The following NCK2 variants were observed in gnomAD, a reference collection of about 807,000 sequenced individuals.
NCK2 encodes the protein NCK adaptor protein 2, also known as cytoplasmic protein NCK2.
In NCK2, 16 loss-of-function variants were observed where a neutral mutation model predicts 33.9. The ratio of observed to expected loss-of-function variants is 0.47; its 90% CI spans 0.32 to 0.72. NCK2 has a LOEUF of 0.72. Ranked by LOEUF, NCK2 falls within the 30% of genes least tolerant of loss-of-function variation. NCK2 has a pLI of 0.03. For missense variants in NCK2, 418 were observed against 537.3 expected (o/e 0.78, Z 2.19); for synonymous variants, 273 against 239.9 (o/e 1.14, Z -1.27).
chr2:105,760,042 G>A (rs749251935), intron 1 of NCK2, among the ~76,000 whole-genome samples: 36 of 152,138 alleles, frequency 2.4e-4, no homozygotes, highest in Non-Finnish European at 3.5e-4. Flanking sequence ...CCACTGTCAA[G>A]TGACTCTTTT....
chr2:105,810,373 GGAGA>G (rs146147970), intron 1 of NCK2, among the ~76,000 whole-genome samples: 2,638 of 152,090 alleles, frequency 0.017, 38 homozygotes, highest in Non-Finnish European at 0.021. Context: ...GTAGAGGGAG[GGAGA>G]GAGAGAAAAA....
intron 1 of NCK2, among the ~76,000 whole-genome samples, chr2:105,751,224 G>A (rs13005191): frequency 7.2e-5 from 11 of 152,076 alleles, no homozygotes; most frequent in African/African-American, 2.4e-4. Context: ...CCCCATCACC[G>A]ACTCACTCGG....
chr2:105,781,201 A>T (rs1455861006), intron 1 of NCK2, among the ~76,000 whole-genome samples: 1 of 152,214 alleles, frequency 6.6e-6, no homozygotes, highest in Non-Finnish European at 1.5e-5. Flanking sequence ...CACCTTTAAA[A>T]TCTGATCTTT....
chr2:105,795,570 T>C (rs1194348485), intron 1 of NCK2, among the ~76,000 whole-genome samples: 1 of 152,256 alleles, frequency 6.6e-6, no homozygotes, highest in Non-Finnish European at 1.5e-5. Context: ...TTAGTTTACA[T>C]GTATGCTCCG....
At chr2:105,854,910 T>C (rs1677198918) in intron 2 of NCK2, 138 bp from the exon 3 acceptor site, 1 of 617,264 alleles carries the variant, frequency 1.6e-6, no homozygotes, top group Admixed American at 3.0e-5. Flanking sequence ...ATTTTAAAGT[T>C]GAGCATTTCA....
chr2:105,802,015 G>T (rs903097954), intron 1 of NCK2, among the ~76,000 whole-genome samples: 1 of 152,184 alleles, frequency 6.6e-6, no homozygotes, highest in Admixed American at 6.5e-5. Context: ...CTGGTTCAGT[G>T]CTCCTCCAGG....
chr2:105,801,469 G>GT (rs1182288598), intron 1 of NCK2, among the ~76,000 whole-genome samples: 1 of 150,658 alleles, frequency 6.6e-6, no homozygotes, highest in Non-Finnish European at 1.5e-5. Flanking sequence ...AGTGCACAAC[G>GT]TTAACAGATA....
chr2:105,792,223 A>G (rs1690910147), intron 1 of NCK2, among the ~76,000 whole-genome samples: 1 of 152,180 alleles, frequency 6.6e-6, no homozygotes, highest in Non-Finnish European at 1.5e-5. Context: ...TGGCCCTTTC[A>G]GCTATCACAT....
intron 3 of NCK2, among the ~76,000 whole-genome samples, chr2:105,870,937 TTGG>T (rs1677973407): frequency 6.6e-6 from 1 of 151,814 alleles, no homozygotes; most frequent in South Asian, 2.1e-4. Flanking sequence ...TCGTAGGATC[TTGG>T]TGGAAGGGAA....
chr2:105,881,881 C>T lies in NCK2; in HGVS notation c.780C>T (p.Ala260=), dbSNP rs759897836. The T allele has an allele frequency of 5.7e-6, 9 of 1,575,788 alleles. No homozygotes were observed. The highest frequency in any genetic ancestry group is 1.8e-5 in the Admixed American group (1 of 55,226). The part of the protein sequence containing the change: ...NYVVVLSDGP[A]LHPAHAPQIS... ...TGGTGGTCCTCAGTGACGGGCCTGC[C>T]CTGCACCCTGCGCACGCCCCACAGA... Residue 260 remains alanine, a synonymous_variant, in exon 4 of 5, where the codon GCC becomes GCT. Transcript: ENST00000233154.
At chr2:105,747,847 G>GA (rs1181601347) in intron 1 of NCK2, among the ~76,000 whole-genome samples, 1 of 152,344 alleles carries the variant, frequency 6.6e-6, no homozygotes, top group African/African-American at 2.4e-5. Context: ...AGGCAACTCA[G>GA]AAGAAGGTCG....
intron 1 of NCK2, among the ~76,000 whole-genome samples, chr2:105,766,594 A>G (rs1689955094): frequency 6.6e-6 from 1 of 152,122 alleles, no homozygotes; most frequent in Non-Finnish European, 1.5e-5. Flanking sequence ...AAATGTAGGG[A>G]TTACAGACTT....
chr2:105,765,242 G>A (rs985868199), intron 1 of NCK2, among the ~76,000 whole-genome samples: 1 of 152,200 alleles, frequency 6.6e-6, no homozygotes, highest in African/African-American at 2.4e-5. Flanking sequence ...TATTCTAGAG[G>A]ACCGTGTCTC....
intron 1 of NCK2, among the ~76,000 whole-genome samples, chr2:105,807,970 T>C (rs1675147957): frequency 6.6e-6 from 1 of 151,676 alleles, no homozygotes; most frequent in Non-Finnish European, 1.5e-5. Context: ...GTGTGCGATC[T>C]CAGCTCACTT....
intron 1 of NCK2, among the ~76,000 whole-genome samples, chr2:105,748,177 C>T (rs1414002979): frequency 6.6e-6 from 1 of 152,112 alleles, no homozygotes; most frequent in Non-Finnish European, 1.5e-5. Context: ...GTGTCACTGT[C>T]CCTGACCAGC....
intron 1 of NCK2, among the ~76,000 whole-genome samples, chr2:105,770,806 A>G (rs1030387328): frequency 2.4e-4 from 19 of 80,608 alleles, no homozygotes; most frequent in African/African-American, 8.8e-4. Context: ...TTTCAGATCC[A>G]GGAAGTCATT....
chr2:105,872,512 G>A lies in NCK2; in HGVS notation c.227-8816G>A, dbSNP rs574217781. Among the ~76,000 whole-genome samples the A allele has an allele frequency of 1.2e-4, 19 of 152,272 alleles. 1 individual carries two copies. The East Asian group carries it at 3.3e-3, about 26-fold the overall frequency. On this transcript the variant is annotated intron_variant, in intron 3 of 4. Transcript: ENST00000233154. ...CCTCCTCTTTATTGCGATTGTCACC[G>A]TTGGTCATCTGCAACTTGGGTTTGT...
intron 1 of NCK2, among the ~76,000 whole-genome samples, chr2:105,763,487 T>C (rs1689832376): frequency 1.3e-5 from 2 of 152,264 alleles, no homozygotes; most frequent in Non-Finnish European, 2.9e-5. Context: ...GAATTTTATT[T>C]AAATTGGATA....
intron 1 of NCK2, among the ~76,000 whole-genome samples, chr2:105,798,835 G>C (rs1691173315): frequency 6.6e-6 from 1 of 152,156 alleles, no homozygotes. Flanking sequence ...TTTCTGAGTT[G>C]TTCACCGAGC....
Sources: allele counts gnomAD v4.1 joint callset (sites outside exome capture counted in the v4.1 genomes callset), GRCh38; gene constraint gnomAD v4.1.1; transcripts MANE v1.5; gene names NCBI Gene and HGNC (gene_info 2026-07-23, HGNC 2026-07-21).